The following GPR161 variants were observed in gnomAD, a reference collection of about 807,000 sequenced individuals.
GPR161 encodes the protein G protein-coupled receptor 161.
GPR161 carries 25 observed loss-of-function variants against 39.2 expected under a neutral mutation model. That is an observed-to-expected ratio of 0.64 (90% CI 0.47 to 0.89). The LOEUF (loss-of-function observed/expected upper bound fraction) is 0.89. Among genes scored for constraint, GPR161 ranks in the 40% least tolerant of loss-of-function variants. The pLI is 0.00. For synonymous variants in GPR161, 286 were observed against 276.6 expected (o/e 1.03, Z -0.34); for missense variants, 547 against 677.8 (o/e 0.81, Z 2.14).
rs745903555 is a variant in GPR161, at chr1:168,104,677, G to C, written c.174C>G (p.Leu58=). The C allele has an allele frequency of 9.3e-6, 15 of 1,613,844 alleles. No homozygotes were observed. Among genetic ancestry groups the C allele is most frequent in the Non-Finnish European group, 1.3e-5 (15 of 1,179,730 alleles). Residue 58 remains leucine (L), a synonymous_variant, in exon 2 of 6, where the codon CTC becomes CTG. Transcript: ENST00000682931. ...IVVTLYKKSY[L]LTLSNKFVFS... is the part of the protein sequence containing the mutation. ...AGACGAACTTGTTGCTGAGGGTGAGGAGGTAGGACTTCTTGTACAAGGTGA... is the reference window on the plus strand; with the variant it reads ...AGACGAACTTGTTGCTGAGGGTGAGCAGGTAGGACTTCTTGTACAAGGTGA...
At chr1:168,099,422 G>A (rs527836009) in intron 2 of GPR161, among the ~76,000 whole-genome samples, 4 of 152,248 alleles carry the variant, frequency 2.6e-5, no homozygotes, top group African/African-American at 4.8e-5. Context: ...GGTAGTGTAC[G>A]GCCGGTTGTG....
At chr1:168,091,328 G>T (rs275153) in intron 3 of GPR161, among the ~76,000 whole-genome samples, 1 of 152,252 alleles carries the variant, frequency 6.6e-6, no homozygotes, top group Non-Finnish European at 1.5e-5. Context: ...GCACAGCCGC[G>T]GCAGAAGCGA....
At chr1:168,102,260 T>C (rs1696174384) in intron 2 of GPR161, among the ~76,000 whole-genome samples, 1 of 152,240 alleles carries the variant, frequency 6.6e-6, no homozygotes, top group Admixed American at 6.5e-5. Flanking sequence ...CCTGCTATCC[T>C]ACTTGCTGTT....
At position 168,096,860 on chromosome 1, in the gene GPR161, T is replaced by C. The variant is rs1181912990; in HGVS notation, c.747A>G (p.Ser249=). Residue 249 remains serine (S), a synonymous_variant, in exon 3 of 6, where the codon TCA becomes TCG. Transcript: ENST00000682931. ...CCTGAAAGGCATTCCTCCTGCTGCCTGAAGAGGAGGTGGAGGTGCTGGAGT... is the reference window on the plus strand; with the variant it reads ...CCTGAAAGGCATTCCTCCTGCTGCCCGAAGAGGAGGTGGAGGTGCTGGAGT... ...RKNSSTSTSS[S]GSRRNAFQGV... is the part of the protein sequence containing the mutation. 1.2e-6 allele frequency: 2 copies of C among 1,614,130 alleles called. No individual in the cohort carries two copies. Among genetic ancestry groups the C allele is most frequent in the Non-Finnish European group, 1.7e-6 (2 of 1,179,994 alleles).
rs947313855 is a variant in GPR161, at chr1:168,084,156, A to G, written c.*1375T>C. ...ACATTCCTGTGCTTCCCCTTCTGAG[A>G]TGGTGACCCTGCCCCTCATGCATCT... On this transcript the variant is annotated 3_prime_UTR_variant, in exon 6 of 6. Transcript: ENST00000682931. The G allele has an allele frequency of 1.3e-5, 2 of 155,182 alleles. No homozygotes were observed. Among genetic ancestry groups the G allele is most frequent in the Admixed American group, 6.3e-5 (1 of 16,000 alleles). The allele number at this position is 155,182 out of a possible 1,614,324, so 9.6% of individuals were successfully genotyped here.
intron 1 of GPR161, among the ~76,000 whole-genome samples, chr1:168,125,856 T>A (rs1482136315): frequency 6.6e-6 from 1 of 152,176 alleles, no homozygotes; most frequent in Non-Finnish European, 1.5e-5. Flanking sequence ...GACCTCATGA[T>A]CTGCCCGCCT....
At position 168,097,699 on chromosome 1, in the gene GPR161, C is replaced by G. The variant is rs528452503; in HGVS notation, c.375-467G>C. Among the ~76,000 whole-genome samples, 544 of 152,296 alleles carry G rather than the reference C, an allele frequency of 3.6e-3. 6 individuals carry two copies. Among genetic ancestry groups the G allele is most frequent in the African/African-American group, 0.013 (529 of 41,560 alleles). Reference sequence around the variant, plus strand: ...CCAAAGGCTTGCGATGTGCCAAGCACCGCGCTACCTCCTGGAAATGCAGTT... The same window carrying G: ...CCAAAGGCTTGCGATGTGCCAAGCAGCGCGCTACCTCCTGGAAATGCAGTT... On this transcript the variant is annotated intron_variant, in intron 2 of 5. Transcript: ENST00000682931.
At position 168,097,248 on chromosome 1, in the gene GPR161, AG is replaced by A. The variant is rs763381463; in HGVS notation, c.375-17del. 1.9e-6 allele frequency: 3 copies of A among 1,595,236 alleles called. No homozygotes were observed. ...AGCATAGTAGCTAGAAAAGGGATGG[AG>A]GGAGGCAAGAGAGAGAAGTCAGCGG... On this transcript the variant is annotated splice_polypyrimidine_tract_variant and intron_variant, in intron 2 of 5. Transcript: ENST00000682931.
chr1:168,136,546 C>A (rs1699389214), intron 1 of GPR161, 193 bp downstream of exon 1: 7 of 1,260,138 alleles, frequency 5.6e-6, no homozygotes, highest in Non-Finnish European at 6.0e-6. Context: ...CTCTCCAAAG[C>A]AAGGCGCAGT....
chr1:168,100,210 CAAAAAAAA>C (rs35900694), intron 2 of GPR161, among the ~76,000 whole-genome samples: 2 of 54,822 alleles, frequency 3.6e-5, no homozygotes, highest in Non-Finnish European at 7.1e-5. Flanking sequence ...GACCCTGTCT[CAAAAAAAA>C]AAAAAAAAAA....
At chr1:168,137,257 C>G (rs1320501550), upstream of GPR161, 1 of 1,490,276 alleles carries the variant, frequency 6.7e-7, no homozygotes, top group Non-Finnish European at 8.9e-7. Flanking sequence ...GTTCCAGCCG[C>G]TGGGACGTCG....
chr1:168,136,184 G>A (rs934998277), intron 1 of GPR161: 3 of 1,271,026 alleles, frequency 2.4e-6, no homozygotes, highest in African/African-American at 3.1e-5. Context: ...GCCACTTCTG[G>A]GCGCGCCACC....
chr1:168,106,510 A>G (rs1043677223), intron 1 of GPR161, among the ~76,000 whole-genome samples: 1 of 152,178 alleles, frequency 6.6e-6, no homozygotes, highest in African/African-American at 2.4e-5. Flanking sequence ...GGACCCCTTG[A>G]GCCCAGAGGT....
At chr1:168,109,146 C>T (rs16828093) in intron 1 of GPR161, among the ~76,000 whole-genome samples, 55,763 of 151,976 alleles carry the variant, frequency 0.37, 10,467 homozygotes, top group Admixed American at 0.48. Context: ...AAGCACTTCA[C>T]AAGGTATAAT....
intron 5 of GPR161, among the ~76,000 whole-genome samples, chr1:168,086,193 C>T (rs1428830396): frequency 6.6e-6 from 1 of 152,188 alleles, no homozygotes; most frequent in Non-Finnish European, 1.5e-5. Context: ...GGTCTTTGAG[C>T]TCCCTGAAGC....
chr1:168,114,632 A>G (rs1697475542), intron 1 of GPR161: 1 of 151,690 alleles, frequency 6.6e-6, no homozygotes. Flanking sequence ...TTTTAGCTAC[A>G]TACGCCTAAG....
rs768733849 is a variant in GPR161 at position 168,096,646 on chromosome 1, G to T, written c.961C>A (p.Pro321Thr). The change falls in exon 3 of 6, where the codon CCC (proline) becomes ACC (threonine). Residue 321 changes from proline to threonine, a missense_variant. Coordinates refer to ENST00000682931, the MANE Select transcript of GPR161 (RefSeq NM_001375883.1). Reference sequence around the variant, plus strand: ...TTGTTCCAGAGTCCATAGATCAGGGGGTGGCAGACAGCGCTGGCAAAGGAC... The same window carrying T: ...TTGTTCCAGAGTCCATAGATCAGGGTGTGGCAGACAGCGCTGGCAAAGGAC... ...WLSFASAVCH[P>T]LIYGLWNKTV... The T allele has an allele frequency of 6.2e-7, 1 of 1,614,092 alleles. No homozygotes were observed. The highest frequency in any genetic ancestry group is 2.2e-5 in the East Asian group (1 of 44,896).
rs1697896204 is a variant in GPR161 at position 168,119,213 on chromosome 1, T to TACATATATATACGTATATATATATATAC, written c.-44-14320_-44-14319insGTATATATATATATACGTATATATATGT. Among the ~76,000 whole-genome samples, 4 of 119,442 alleles carry TACATATATATACGTATATATATATATAC rather than the reference T, an allele frequency of 3.3e-5. 1 individual carries two copies. The highest frequency in any genetic ancestry group is 1.1e-4 in the African/African-American group (3 of 26,662). The allele number at this position is 119,442 out of a possible 152,430, so 78.4% of individuals were successfully genotyped here. ...TCTCCATCATATATATATATATGTA[T>TACATATATATACGTATATATATATATAC]ACATATATATATACGTATATATATA... On this transcript the variant is annotated intron_variant, in intron 1 of 5. Coordinates refer to ENST00000682931, the MANE Select transcript of GPR161 (RefSeq NM_001375883.1).
At position 168,084,879 on chromosome 1, in the gene GPR161, A is replaced by G. The variant is rs575870352; in HGVS notation, c.*652T>C. ...AGAACTTGTCAGTAGGGAAGTAGGCAGGGTGGGCCAGTCTGCAAGAGGCCT... is the reference window on the plus strand; with the variant it reads ...AGAACTTGTCAGTAGGGAAGTAGGCGGGGTGGGCCAGTCTGCAAGAGGCCT... On this transcript the variant is annotated 3_prime_UTR_variant, in exon 6 of 6. Transcript: ENST00000682931. 2.2e-6 allele frequency: 1 copy of G among 456,122 alleles called. No homozygotes were observed. Among genetic ancestry groups the G allele is most frequent in the African/African-American group, 2.0e-5 (1 of 50,070 alleles). 28.3% of individuals were successfully genotyped at this position (456,122 alleles called of 1,614,324 possible). A position where few individuals can be genotyped will look rare whatever the true frequency, so the allele number is the denominator to read the frequency against.
Sources: allele counts gnomAD v4.1 joint callset (sites outside exome capture counted in the v4.1 genomes callset), GRCh38; gene constraint gnomAD v4.1.1; transcripts MANE v1.5; gene names NCBI Gene and HGNC (gene_info 2026-07-23, HGNC 2026-07-21).